The following C1QTNF7 variants were observed in gnomAD, a reference collection of about 807,000 sequenced individuals.
C1QTNF7 encodes complement C1q tumor necrosis factor-related protein 7.
Under a neutral mutation model 19.6 loss-of-function variants are expected in C1QTNF7, and 15 were observed. The ratio of observed to expected loss-of-function variants is 0.76; its 90% CI spans 0.51 to 1.18. The LOEUF (loss-of-function observed/expected upper bound fraction) is 1.18. Ranked by LOEUF, C1QTNF7 falls within the 50% of genes most tolerant of loss-of-function variation. The pLI is 0.00. For synonymous variants in C1QTNF7, 142 were observed against 137.5 expected, an observed-to-expected ratio of 1.03 and a Z score of -0.23; for missense variants, 324 against 359.7, an observed-to-expected ratio of 0.90 and a Z score of 0.80.
rs1712927063 is a variant in C1QTNF7, at chr4:15,444,653, C to G, written c.*1854C>G. 1 of 152,128 alleles carries G rather than the reference C, an allele frequency of 6.6e-6. No individual in the cohort carries two copies. The highest frequency in any genetic ancestry group is 2.4e-5 in the African/African-American group (1 of 41,400). The allele number at this position is 152,128 out of a possible 1,614,324, so 9.4% of individuals were successfully genotyped here. On this transcript the variant is annotated 3_prime_UTR_variant, in exon 3 of 3. Transcript: ENST00000444304. ...AGAAAATGATAAAATATGCTAAGTT[C>G]TAGGCTGGAAATAAGGGCAAAATGC...
intron 1 of C1QTNF7, among the ~76,000 whole-genome samples, chr4:15,391,932 G>T (rs1718574110): frequency 6.6e-6 from 1 of 152,126 alleles, no homozygotes; most frequent in Admixed American, 6.5e-5. Flanking sequence ...TACAACGTGG[G>T]TCTTATGAAT....
At chr4:15,422,217 A>C (rs1023387909) in intron 1 of C1QTNF7, among the ~76,000 whole-genome samples, 3 of 151,592 alleles carry the variant, frequency 2.0e-5, no homozygotes, top group Non-Finnish European at 2.9e-5. Flanking sequence ...TTTTAAAAAA[A>C]AAAAAAAGGA....
At chr4:15,402,844 G>C (rs1719046915) in intron 1 of C1QTNF7, among the ~76,000 whole-genome samples, 1 of 152,168 alleles carries the variant, frequency 6.6e-6, no homozygotes, top group Non-Finnish European at 1.5e-5. Flanking sequence ...AGCATGCGTA[G>C]TATGAACTTA....
At chr4:15,399,891 A>G (rs1368146189) in intron 1 of C1QTNF7, among the ~76,000 whole-genome samples, 1 of 152,216 alleles carries the variant, frequency 6.6e-6, no homozygotes, top group Admixed American at 6.5e-5. Context: ...ATATGAAATC[A>G]TCTGTTCTTC....
At chr4:15,440,878 A>T (rs912992573) in intron 2 of C1QTNF7, among the ~76,000 whole-genome samples, 1 of 151,700 alleles carries the variant, frequency 6.6e-6, no homozygotes, top group East Asian at 1.9e-4. Context: ...GCGGCTCAGG[A>T]CTCCCAAATC....
At chr4:15,367,224 G>A (rs1354988891) in intron 1 of C1QTNF7, among the ~76,000 whole-genome samples, 1 of 152,070 alleles carries the variant, frequency 6.6e-6, no homozygotes, top group African/African-American at 2.4e-5. Flanking sequence ...ACTATTATTC[G>A]GGAAAATAGA....
chr4:15,388,605 G>A (rs80249183), intron 1 of C1QTNF7, among the ~76,000 whole-genome samples: 3,892 of 152,282 alleles, frequency 0.026, 84 homozygotes, highest in Non-Finnish European at 0.036. Flanking sequence ...ATTTGTGAAG[G>A]TGCTGTAGTT....
intron 1 of C1QTNF7, among the ~76,000 whole-genome samples, chr4:15,433,315 G>C (rs1712406818): frequency 1.3e-5 from 2 of 151,928 alleles, no homozygotes; most frequent in Admixed American, 6.6e-5. Context: ...ACCACACCCA[G>C]CCTTTTTTTT....
rs1719126007 is a variant in C1QTNF7, at chr4:15,404,565, A to G, written c.14-31171A>G. Among the ~76,000 whole-genome samples, 3 of 152,208 alleles carry G rather than the reference A, an allele frequency of 2.0e-5. No individual in the cohort carries two copies. The South Asian group carries it at 6.2e-4, about 32-fold the overall frequency. On this transcript the variant is annotated intron_variant, in intron 1 of 2. Transcript: ENST00000295297. Reference sequence around the variant, plus strand: ...ACTTCCAGAAAGATCCACCTCAGTAATTTCACTGTGGAACAGGAAAAGGGT... The same window carrying G: ...ACTTCCAGAAAGATCCACCTCAGTAGTTTCACTGTGGAACAGGAAAAGGGT...
chr4:15,402,983 T>C (rs1044299781), intron 1 of C1QTNF7, among the ~76,000 whole-genome samples: 13 of 104,596 alleles, frequency 1.2e-4, no homozygotes, highest in African/African-American at 4.3e-4. Flanking sequence ...TGCTTTTTTC[T>C]GTTTTTTTTT....
intron 1 of C1QTNF7, among the ~76,000 whole-genome samples, chr4:15,419,353 A>T (rs1161672351): frequency 6.6e-6 from 1 of 152,222 alleles, no homozygotes; most frequent in Non-Finnish European, 1.5e-5. Flanking sequence ...CCCTAATAGG[A>T]GAGAAGGGGG....
chr4:15,434,268 T>C (rs1712440321), intron 1 of C1QTNF7, among the ~76,000 whole-genome samples: 1 of 152,264 alleles, frequency 6.6e-6, no homozygotes, highest in South Asian at 2.1e-4. Context: ...TTTCTAGGAA[T>C]CAGCTTACTT....
chr4:15,406,885 G>A (rs778848782), intron 1 of C1QTNF7, among the ~76,000 whole-genome samples: 2 of 152,002 alleles, frequency 1.3e-5, no homozygotes, highest in South Asian at 4.1e-4. Flanking sequence ...TGATAACAGG[G>A]TTATTGCTGG....
intron 2 of C1QTNF7, among the ~76,000 whole-genome samples, chr4:15,439,583 C>A (rs1712668850): frequency 6.6e-6 from 1 of 152,124 alleles, no homozygotes. Flanking sequence ...ACAAATGGAG[C>A]ATTTAAAACC....
chr4:15,426,396 G>A (rs1289805959), upstream of C1QTNF7, among the ~76,000 whole-genome samples: 1 of 152,016 alleles, frequency 6.6e-6, no homozygotes, highest in African/African-American at 2.4e-5. Flanking sequence ...CATTTTCAAA[G>A]GTTCATTCTC....
exon 1 of C1QTNF7, chr4:15,339,988 G>A (rs568760684): frequency 4.4e-5 from 29 of 660,056 alleles, no homozygotes; most frequent in East Asian, 3.8e-4. Context: ...GCAAAACTTC[G>A]TACAACAGCA....
chr4:15,371,799 A>G (rs1717738756), intron 1 of C1QTNF7, among the ~76,000 whole-genome samples: 2 of 152,256 alleles, frequency 1.3e-5, no homozygotes, highest in East Asian at 1.9e-4. Flanking sequence ...GGAAGAGAAC[A>G]TTCCAGGCAA....
chr4:15,430,366 C>G (rs566011892), intron 1 of C1QTNF7, among the ~76,000 whole-genome samples: 28 of 152,262 alleles, frequency 1.8e-4, no homozygotes, highest in African/African-American at 6.5e-4. Context: ...GGGCAGATCG[C>G]TTGAGTTTAG....
intron 1 of C1QTNF7, among the ~76,000 whole-genome samples, chr4:15,392,682 G>A (rs765050223): frequency 2.6e-5 from 4 of 152,206 alleles, no homozygotes; most frequent in African/African-American, 4.8e-5. Context: ...TGGCATTTGG[G>A]CCAGGCATTC....
Sources: allele counts gnomAD v4.1 joint callset (sites outside exome capture counted in the v4.1 genomes callset), GRCh38; gene constraint gnomAD v4.1.1; transcripts MANE v1.5; gene names NCBI Gene and HGNC (gene_info 2026-07-23, HGNC 2026-07-21).